C19orf18: variants seen among roughly 807,000 people sequenced by gnomAD.
The protein encoded by C19orf18 is chromosome 19 open reading frame 18, also known as uncharacterized protein C19orf18.
In C19orf18, 21 loss-of-function variants were observed where a neutral mutation model predicts 23.3. The ratio of observed to expected loss-of-function variants is 0.90; its 90% CI spans 0.64 to 1.30. The LOEUF is 1.30. Ranked by LOEUF, C19orf18 falls within the 50% of genes most tolerant of loss-of-function variation. C19orf18 has a pLI of 0.00. For missense variants in C19orf18, 249 were observed against 259.6 expected (o/e 0.96, Z 0.28); for synonymous variants, 96 against 95.2 (o/e 1.01, Z -0.05).
At chr19:57,963,281 G>A (rs539024928) in intron 4 of C19orf18, among the ~76,000 whole-genome samples, 9 of 151,872 alleles carry the variant, frequency 5.9e-5, no homozygotes, top group Non-Finnish European at 1.2e-4. Context: ...CGCCCACCTC[G>A]GCCTCCCAAA....
chr19:57,962,014 C>T (rs2072876840), intron 4 of C19orf18, among the ~76,000 whole-genome samples: 1 of 148,938 alleles, frequency 6.7e-6, no homozygotes, highest in Non-Finnish European at 1.5e-5. Flanking sequence ...CTCTGTATCT[C>T]TCCCTTTCTC....
chr19:57,958,489 T>TAG lies in C19orf18; in HGVS notation c.*112_*113insCT, dbSNP rs2072844187. On this transcript the variant is annotated 3_prime_UTR_variant, in exon 6 of 6. Transcript: ENST00000314391. The stretch of plus-strand genomic sequence containing the variant: ...GGGATACAGGTCTGGCATTTCTTTC[T>TAG]TTGATGTCCTCTTCCATAAGGTTCT... The TAG allele has an allele frequency of 1.3e-5, 9 of 667,842 alleles. No homozygotes were observed. The highest frequency in any genetic ancestry group is 2.4e-4 in the Middle Eastern group (1 of 4,084). 41.4% of individuals were successfully genotyped at this position (667,842 alleles called of 1,614,324 possible).
At chr19:57,968,654 T>C (rs962057210) in intron 3 of C19orf18, among the ~76,000 whole-genome samples, 4 of 151,998 alleles carry the variant, frequency 2.6e-5, no homozygotes, top group African/African-American at 9.7e-5. Flanking sequence ...ATGGGAGAAA[T>C]AGACTAGGAA....
intron 2 of C19orf18, among the ~76,000 whole-genome samples, chr19:57,972,950 C>A (rs932869948): frequency 4.0e-5 from 6 of 151,806 alleles, no homozygotes; most frequent in African/African-American, 1.5e-4. Context: ...GAGTTCGAGA[C>A]CAGCCTGACC....
chr19:57,960,525 T>C (rs935800628), intron 5 of C19orf18, among the ~76,000 whole-genome samples: 1 of 152,040 alleles, frequency 6.6e-6, no homozygotes, highest in African/African-American at 2.4e-5. Context: ...GTGGTGGGCA[T>C]GGCATGCTGG....
At chr19:57,971,213 C>CTT (rs2072942354) in intron 3 of C19orf18, among the ~76,000 whole-genome samples, 1 of 152,150 alleles carries the variant, frequency 6.6e-6, no homozygotes, top group Non-Finnish European at 1.5e-5. Context: ...AGACTGCCCT[C>CTT]CCAGGTCCAG....
At position 57,958,684 on chromosome 19, in the gene C19orf18, T is replaced by C. The variant is rs761204371; in HGVS notation, c.566A>G (p.Lys189Arg). 1 of 1,598,836 alleles carries C rather than the reference T, an allele frequency of 6.3e-7. No homozygotes were observed. The highest frequency in any genetic ancestry group is 1.1e-5 in the South Asian group (1 of 88,416). Residue 189 changes from lysine (K) to arginine (R), a missense_variant, in exon 6 of 6, where the codon AAG becomes AGG. Transcript: ENST00000314391. The part of the protein sequence containing the change: ...IISKRSKNIK[K>R]KLKEEQNSVT... ...TGAGTTTTGCTCTTCCTTCAGTTTCTTCTTAATATTTTTGCTTCTTTTTGA... is the reference window on the plus strand; with the variant it reads ...TGAGTTTTGCTCTTCCTTCAGTTTCCTCTTAATATTTTTGCTTCTTTTTGA...
At chr19:57,973,145 CAAAAAAAAAAAAAAAAAAAAAAAA>C (rs61625681) in intron 2 of C19orf18, among the ~76,000 whole-genome samples, 456 of 24,170 alleles carry the variant, frequency 0.019, 10 homozygotes, top group Admixed American at 0.028. Flanking sequence ...GACTCCGTCT[CAAAAAAAAAAAAAAAAAAAAAAAA>C]AAAAAAAAAA....
At chr19:57,961,953 C>T (rs1039231601) in intron 4 of C19orf18, among the ~76,000 whole-genome samples, 1 of 149,704 alleles carries the variant, frequency 6.7e-6, no homozygotes, top group Non-Finnish European at 1.5e-5. Context: ...TCTTTTCTTT[C>T]CTTTTTCTTT....
At chr19:57,969,400 C>A (rs952399268) in intron 3 of C19orf18, among the ~76,000 whole-genome samples, 1 of 150,326 alleles carries the variant, frequency 6.7e-6, no homozygotes, top group Non-Finnish European at 1.5e-5. Flanking sequence ...ACTAAAAATG[C>A]AAAAATTAGC....
At chr19:57,969,837 A>T (rs1600207930) in intron 3 of C19orf18, among the ~76,000 whole-genome samples, 1 of 145,574 alleles carries the variant, frequency 6.9e-6, no homozygotes, top group Non-Finnish European at 1.5e-5. Context: ...GCATCATTAC[A>T]CTCCAGGCTG....
chr19:57,965,885 C>T (rs1274582015), intron 4 of C19orf18, among the ~76,000 whole-genome samples: 1 of 152,010 alleles, frequency 6.6e-6, no homozygotes, highest in Admixed American at 6.6e-5. Flanking sequence ...ATTTCACAAC[C>T]GTGTGTCTGT....
At chr19:57,966,754 G>T in intron 3 of C19orf18, 122 bp from the exon 4 acceptor site, 1 of 630,136 alleles carries the variant, frequency 1.6e-6, no homozygotes, top group Non-Finnish European at 2.6e-6. Context: ...TTCAAAAATA[G>T]CTTGTTTTGT....
At chr19:57,971,129 T>C (rs1420837192) in intron 3 of C19orf18, among the ~76,000 whole-genome samples, 1 of 152,168 alleles carries the variant, frequency 6.6e-6, no homozygotes, top group Non-Finnish European at 1.5e-5. Flanking sequence ...CGTGGATGGA[T>C]GTATTCATCA....
intron 3 of C19orf18, among the ~76,000 whole-genome samples, chr19:57,970,996 G>A (rs1296527392): frequency 6.6e-6 from 1 of 152,140 alleles, no homozygotes; most frequent in Admixed American, 6.5e-5. Context: ...TCAAAAGAAG[G>A]ACCAGTGTGC....
At chr19:57,959,724 G>C (rs567506258) in intron 5 of C19orf18, among the ~76,000 whole-genome samples, 15 of 151,104 alleles carry the variant, frequency 9.9e-5, no homozygotes, top group Admixed American at 2.0e-4. Flanking sequence ...GAGCCCAGGA[G>C]GTTGGGGCTT....
At chr19:57,969,583 A>G (rs1302571183) in intron 3 of C19orf18, among the ~76,000 whole-genome samples, 1 of 147,876 alleles carries the variant, frequency 6.8e-6, no homozygotes, top group Non-Finnish European at 1.5e-5. Context: ...AAAAAAAAAA[A>G]AAAAAAAAAA....
chr19:57,962,211 T>C (rs1379316978), intron 4 of C19orf18, among the ~76,000 whole-genome samples: 1 of 151,958 alleles, frequency 6.6e-6, no homozygotes, highest in Non-Finnish European at 1.5e-5. Context: ...TTTTTGTATT[T>C]TTTTTTTTAG....
rs374877888 is a variant in C19orf18 at position 57,961,191 on chromosome 19, C to T, written c.532+200G>A. Among the ~76,000 whole-genome samples, 384 of 150,630 alleles carry T rather than the reference C, an allele frequency of 2.5e-3. 2 individuals are homozygous for T. The highest frequency in any genetic ancestry group is 0.01 in the Middle Eastern group (3 of 294). ...CGGAGCTTGCAGTGAGCAGAGATCG[C>T]GCCACTGCACTCCAGCCTGGGCTAC... On this transcript the variant is annotated intron_variant, in intron 5 of 5. Coordinates refer to ENST00000314391, the MANE Select transcript of C19orf18 (RefSeq NM_152474.5).
Sources: gnomAD v4.1 joint callset for allele counts (sites outside exome capture counted in the v4.1 genomes callset) on GRCh38, gnomAD v4.1.1 for gene constraint, MANE v1.5 for transcripts, NCBI Gene and HGNC (gene_info 2026-07-23, HGNC 2026-07-21) for gene names.